RRM2: variants seen among roughly 807,000 people sequenced by gnomAD.
RRM2 encodes ribonucleotide reductase regulatory subunit M2, also known as ribonucleoside-diphosphate reductase subunit M2.
Under a neutral mutation model 45.9 loss-of-function variants are expected in RRM2, and 6 were observed. The ratio of observed to expected loss-of-function variants is 0.13; its 90% confidence interval spans 0.07 to 0.26. The LOEUF is 0.26. Ranked by LOEUF, RRM2 falls within the 10% of genes least tolerant of loss-of-function variation. The pLI is 1.00. For missense variants in RRM2, 343 were observed against 489.5 expected (o/e 0.70, Z 2.82); for synonymous variants, 177 against 173.0 (o/e 1.02, Z -0.18).
At chr2:10,177,971 G>T (rs1663965431) in intron 3 of RRM2, among the ~76,000 whole-genome samples, 1 of 151,086 alleles carries the variant, frequency 6.6e-6, no homozygotes, top group Non-Finnish European at 1.5e-5. Flanking sequence ...ACCCAGGCTG[G>T]AGTGCAGTGG....
downstream of RRM2, among the ~76,000 whole-genome samples, chr2:10,133,005 C>T (rs376620762): frequency 3.6e-4 from 55 of 151,788 alleles, no homozygotes; most frequent in East Asian, 9.7e-3. Context: ...GGCCTCACCC[C>T]CAGACCTACT....
intron 3 of RRM2, among the ~76,000 whole-genome samples, chr2:10,163,236 G>T (rs1663605478): frequency 1.3e-5 from 2 of 152,244 alleles, no homozygotes; most frequent in South Asian, 2.1e-4. Flanking sequence ...GCTCTTGGCT[G>T]CAGGGAGAGG....
At chr2:10,210,216 G>A (rs1322546071) in intron 3 of RRM2, 19 of 773,134 alleles carry the variant, frequency 2.5e-5, no homozygotes, top group East Asian at 5.3e-5. Flanking sequence ...GCCATGTTCC[G>A]GCTCCCTAGT....
intron 3 of RRM2, among the ~76,000 whole-genome samples, chr2:10,167,921 G>A (rs1663716616): frequency 6.6e-6 from 1 of 152,090 alleles, no homozygotes; most frequent in South Asian, 2.1e-4. Flanking sequence ...TCTAAAGCAT[G>A]CAAACTATAG....
chr2:10,130,580 G>A lies in RRM2; in HGVS notation c.*1194G>A, dbSNP rs931662559. On this transcript the variant is annotated 3_prime_UTR_variant, in exon 10 of 10. Coordinates refer to ENST00000304567, the MANE Select transcript of RRM2 (RefSeq NM_001034.4). ...ATCTTAAACTTTAGTAGGAAACCAT[G>A]AGCTGTTAATACAGTTTCCATTCAA... 4 of 151,960 alleles carry A rather than the reference G, an allele frequency of 2.6e-5. No homozygotes were observed. The highest frequency in any genetic ancestry group is 9.7e-5 in the African/African-American group (4 of 41,374). 9.4% of individuals were successfully genotyped at this position (151,960 alleles called of 1,614,324 possible). A position where few individuals can be genotyped will look rare whatever the true frequency, so the allele number is the denominator to read the frequency against.
At chr2:10,158,894 C>T (rs1273155868) in intron 3 of RRM2, among the ~76,000 whole-genome samples, 4 of 152,146 alleles carry the variant, frequency 2.6e-5, no homozygotes, top group Non-Finnish European at 5.9e-5. Flanking sequence ...CTGACACTGA[C>T]CTGACCCAAC....
intron 3 of RRM2, among the ~76,000 whole-genome samples, chr2:10,184,142 G>GT (rs1351543326): frequency 6.8e-6 from 1 of 148,108 alleles, no homozygotes; most frequent in Non-Finnish European, 1.5e-5. Context: ...GGGCAGCAGG[G>GT]TTCCTAGCCC....
rs1205890021 is a variant in RRM2 at position 10,210,760 on chromosome 2, A to G, written n.932A>G. 5 of 466,038 alleles carry G rather than the reference A, an allele frequency of 1.1e-5. No individual in the cohort carries two copies. In the East Asian group the frequency reaches 3.5e-4, roughly 33 times the overall value. The allele number at this position is 466,038 out of a possible 1,614,324, so 28.9% of individuals were successfully genotyped here. On this transcript the variant is annotated non_coding_transcript_exon_variant, in exon 4 of 4. Transcript: ENST00000381786. ...GAATGCCTGTGTCCCCTGGGTTCATATGTTGAACCCCTAACTCCCAATGTG... is the reference window on the plus strand; with the variant it reads ...GAATGCCTGTGTCCCCTGGGTTCATGTGTTGAACCCCTAACTCCCAATGTG...
rs983359261 is a variant in RRM2, at chr2:10,171,379, C to T, written n.482+29004C>T. On this transcript the variant is annotated intron_variant and non_coding_transcript_variant, in intron 3 of 3. Transcript: ENST00000381786. The surrounding 1 kb of genome is among the most constrained non-coding windows in gnomAD (Gnocchi z 4.1). The stretch of plus-strand genomic sequence containing the variant: ...TGGCACCAGTGGGCTGAGAAACTGT[C>T]GGGTTTGGCTGCTGCTGTTGTCTGC... Among the ~76,000 whole-genome samples, 3 of 152,204 alleles carry T rather than the reference C, an allele frequency of 2.0e-5. No individual in the cohort carries two copies. Among genetic ancestry groups the T allele is most frequent in the Non-Finnish European group, 2.9e-5 (2 of 68,034 alleles).
intron 3 of RRM2, among the ~76,000 whole-genome samples, chr2:10,151,295 A>AT (rs1197139714): frequency 1.8e-5 from 2 of 111,976 alleles, no homozygotes; most frequent in East Asian, 2.5e-4. Context: ...CTGCATGTAG[A>AT]TTTTTTTTTT....
upstream of RRM2, among the ~76,000 whole-genome samples, chr2:10,139,516 A>G (rs1022774490): frequency 1.3e-5 from 2 of 152,044 alleles, no homozygotes; most frequent in Non-Finnish European, 2.9e-5. Context: ...CAAGCTGACT[A>G]GAAGTGGGGG....
chr2:10,142,003 G>T (rs1332683519), intron 2 of RRM2: 3 of 1,572,128 alleles, frequency 1.9e-6, no homozygotes, highest in South Asian at 2.3e-5. Flanking sequence ...CAGGGAGGAA[G>T]GGGCGGGCTA....
downstream of RRM2, among the ~76,000 whole-genome samples, chr2:10,135,037 A>G (rs540563314): frequency 6.6e-6 from 1 of 152,384 alleles, no homozygotes; most frequent in African/African-American, 2.4e-5. Flanking sequence ...TTATGAAATC[A>G]TATCTTCAAT....
At chr2:10,189,027 A>G (rs1269881423) in intron 3 of RRM2, among the ~76,000 whole-genome samples, 2 of 152,220 alleles carry the variant, frequency 1.3e-5, no homozygotes, top group Non-Finnish European at 2.9e-5. Context: ...CACTCAGGCC[A>G]CACAGTCACT....
intron 3 of RRM2, among the ~76,000 whole-genome samples, chr2:10,191,496 G>A (rs532352603): frequency 6.6e-6 from 1 of 152,214 alleles, no homozygotes; most frequent in Non-Finnish European, 1.5e-5. Context: ...GAGAGGCTGT[G>A]CCTGTGAGCG....
At chr2:10,192,980 T>G (rs1238709992) in intron 3 of RRM2, among the ~76,000 whole-genome samples, 1 of 152,172 alleles carries the variant, frequency 6.6e-6, no homozygotes, top group Non-Finnish European at 1.5e-5. Flanking sequence ...TCCTTCAGAC[T>G]CCTCCAGGGA....
At chr2:10,142,308 C>T (rs368895478) in exon 3 of RRM2, 3 of 1,397,952 alleles carry the variant, frequency 2.1e-6, no homozygotes, top group East Asian at 4.1e-5. Flanking sequence ...AAGGGAATCC[C>T]CTGCTTCTGC....
chr2:10,210,599 C>G, exon 4 of RRM2: 3 of 1,363,950 alleles, frequency 2.2e-6, no homozygotes, highest in Non-Finnish European at 2.9e-6. Context: ...GCCCCATAGA[C>G]AGCAGATCTG....
intron 3 of RRM2, among the ~76,000 whole-genome samples, chr2:10,145,207 G>A (rs747806285): frequency 1.3e-5 from 2 of 152,296 alleles, no homozygotes; most frequent in Non-Finnish European, 2.9e-5. Context: ...GGGCCAGGTG[G>A]GTGGGTAGAC....
Sources: allele counts gnomAD v4.1 joint callset (sites outside exome capture counted in the v4.1 genomes callset), GRCh38; gene constraint gnomAD v4.1.1; non-coding constraint Gnocchi (gnomAD v3.1); transcripts MANE v1.5; gene names NCBI Gene and HGNC (gene_info 2026-07-23, HGNC 2026-07-21).